NOS1: variants seen among roughly 807,000 people sequenced by gnomAD.
NOS1 encodes the protein nitric oxide synthase 1.
NOS1 carries 51 observed loss-of-function variants against 164.5 expected under a neutral mutation model. The ratio of observed to expected loss-of-function variants is 0.31; its 90% CI spans 0.25 to 0.39. The LOEUF (loss-of-function observed/expected upper bound fraction) is 0.39, where lower values mean the gene tolerates loss of function less well. Among genes scored for constraint, NOS1 ranks in the 10% least tolerant of loss-of-function variants. NOS1 has a pLI of 1.00. For missense variants in NOS1, 1,362 were observed against 1,885.6 expected (o/e 0.72, Z 5.14); for synonymous variants, 719 against 745.8 (o/e 0.96, Z 0.59).
rs553268766 is a variant in NOS1 at position 117,311,955 on chromosome 12, G to A, written c.726-363C>T. Among the ~76,000 whole-genome samples the A allele has an allele frequency of 2.0e-5, 3 of 152,216 alleles. No homozygotes were observed. In the East Asian group the frequency reaches 5.8e-4, roughly 29 times the overall value. On this transcript the variant is annotated intron_variant, in intron 2 of 28. Coordinates refer to ENST00000317775, the MANE Select transcript of NOS1 (RefSeq NM_000620.5). ...GGCCTGTTTCCTAGTAATACTCCAT[G>A]TACCATGAACCCCTGGACAACTTAC...
intron 21 of NOS1, among the ~76,000 whole-genome samples, chr12:117,232,997 A>C (rs1869382279): frequency 6.8e-6 from 1 of 146,948 alleles, no homozygotes; most frequent in Non-Finnish European, 1.5e-5. Flanking sequence ...GCTCCTGAGT[A>C]GCTGGGACTA....
chr12:117,348,510 T>C (rs1356160471), intron 1 of NOS1: 3 of 152,232 alleles, frequency 2.0e-5, no homozygotes, highest in Non-Finnish European at 4.4e-5. Context: ...CTTTGCACCA[T>C]ACCTGTGTCT....
Position 117,215,136 on chromosome 12 carries a change from A to C in NOS1, c.*173T>G. 2 of 1,312,776 alleles carry C rather than the reference A, an allele frequency of 1.5e-6. No individual in the cohort carries two copies. Among genetic ancestry groups the C allele is most frequent in the Admixed American group, 6.2e-5 (2 of 32,298 alleles). The allele number at this position is 1,312,776 out of a possible 1,614,324, so 81.3% of individuals were successfully genotyped here. A position where few individuals can be genotyped will look rare whatever the true frequency, so the allele number is the denominator to read the frequency against. On this transcript the variant is annotated 3_prime_UTR_variant, in exon 29 of 29. Transcript: ENST00000317775. ...TCGCAGCAGGAAAACTCAAGGAGTAAACCCAGGAGGGCCGAGGAAACCACT... is the reference window on the plus strand; with the variant it reads ...TCGCAGCAGGAAAACTCAAGGAGTACACCCAGGAGGGCCGAGGAAACCACT...
intron 7 of NOS1, among the ~76,000 whole-genome samples, chr12:117,282,967 A>C (rs1196004837): frequency 6.6e-6 from 1 of 151,344 alleles, no homozygotes; most frequent in Non-Finnish European, 1.5e-5. Context: ...CACAGTGTAA[A>C]CCTGCATCTC....
chr12:117,262,343 G>T (rs1202973864), intron 13 of NOS1, among the ~76,000 whole-genome samples: 2 of 148,418 alleles, frequency 1.3e-5, no homozygotes, highest in Admixed American at 1.3e-4. Flanking sequence ...AGATATTCTT[G>T]TTAGGGAAAT....
intron 16 of NOS1, chr12:117,255,913 G>C (rs372945962): frequency 6.9e-7 from 1 of 1,442,800 alleles, no homozygotes; most frequent in Admixed American, 2.8e-5. Flanking sequence ...ACACACCTGC[G>C]TGTACACACA....
chr12:117,302,369 C>A (rs1322475717), intron 3 of NOS1, among the ~76,000 whole-genome samples: 7 of 151,922 alleles, frequency 4.6e-5, no homozygotes, highest in Non-Finnish European at 7.4e-5. Flanking sequence ...CCGAGGCGGG[C>A]GGATCATGAG....
chr12:117,243,548 A>ACCATCCATCCATCCATCCAT lies in NOS1; in HGVS notation c.2824-133_2824-114dup, dbSNP rs34385734. ...ATTCACCCATCCATCCATCTATCCAACCATCCATCCATCCATCCATCCATC... is the reference window on the plus strand; with the variant it reads ...ATTCACCCATCCATCCATCTATCCAACCATCCATCCATCCATCCATCCATCCATCCATCCATCCATCCATC... On this transcript the variant is annotated intron_variant, in intron 18 of 28. Transcript: ENST00000317775. This position sits in a 1 kb window ranked among gnomAD's most constrained non-coding sequence, Gnocchi z 4.3. 44 of 587,954 alleles carry ACCATCCATCCATCCATCCAT rather than the reference A, an allele frequency of 7.5e-5. No individual in the cohort carries two copies. Among genetic ancestry groups the ACCATCCATCCATCCATCCAT allele is most frequent in the East Asian group, 6.3e-4 (20 of 31,658 alleles). 36.4% of individuals were successfully genotyped at this position (587,954 alleles called of 1,614,324 possible). A position where few individuals can be genotyped will look rare whatever the true frequency, so the allele number is the denominator to read the frequency against.
intron 13 of NOS1, among the ~76,000 whole-genome samples, chr12:117,260,996 C>T (rs1871856831): frequency 6.6e-6 from 1 of 151,522 alleles, no homozygotes; most frequent in Non-Finnish European, 1.5e-5. Context: ...GGTGAAACTC[C>T]GTCTCTACTA....
intron 10 of NOS1, among the ~76,000 whole-genome samples, chr12:117,268,364 G>C (rs1394412318): frequency 6.6e-6 from 1 of 151,966 alleles, no homozygotes; most frequent in Non-Finnish European, 1.5e-5. Flanking sequence ...CTGAGTAGCT[G>C]GGACTACAGG....
At chr12:117,220,050 C>T (rs71469791) in intron 27 of NOS1, 25 bp downstream of exon 27, 39 of 1,581,620 alleles carry the variant, frequency 2.5e-5, no homozygotes, top group Non-Finnish European at 3.2e-5. Context: ...GGAAAAGGGA[C>T]CTGGGAAGTC....
intron 1 of NOS1, among the ~76,000 whole-genome samples, chr12:117,344,909 C>T (rs1876271929): frequency 6.6e-6 from 1 of 152,174 alleles, no homozygotes; most frequent in Non-Finnish European, 1.5e-5. Context: ...TGAGGAGCTA[C>T]AGGCTCATAG....
rs779337315 is a variant in NOS1 at position 117,278,072 on chromosome 12, C to T, written c.1551G>A (p.Pro517=). 5.4e-5 allele frequency: 87 copies of T among 1,613,560 alleles called. 1 individual carries two copies. Among genetic ancestry groups the T allele is most frequent in the East Asian group, 2.9e-4 (13 of 44,876 alleles). ...TEICIQQGWK[P]PRGRFDVLPL... is the part of the protein sequence containing the mutation. ...GCAGGACATCGAAGCGGCCTCTAGG[C>T]GGTTTCCAGCCCTGCTGTATGCATA... Residue 517 remains proline (P), a synonymous_variant, in exon 9 of 29, where the codon CCG becomes CCA. Coordinates refer to ENST00000317775, the MANE Select transcript of NOS1 (RefSeq NM_000620.5).
chr12:117,285,475 AG>A, intron 6 of NOS1, 143 bp from the exon 7 acceptor site: 2 of 396,378 alleles, frequency 5.0e-6, no homozygotes, highest in South Asian at 1.3e-4. Flanking sequence ...ACTGAGTCCC[AG>A]GCTGCATTTT....
At chr12:117,236,823 AC>A (rs1205730342) in intron 20 of NOS1, among the ~76,000 whole-genome samples, 1 of 152,220 alleles carries the variant, frequency 6.6e-6, no homozygotes, top group African/African-American at 2.4e-5. Flanking sequence ...GCTCACGAGC[AC>A]AGCCACCTCC....
rs771093449 is a variant in NOS1, at chr12:117,285,326, C to T, written c.1297G>A (p.Asp433Asn). The change falls in exon 7 of 29, where the codon GAT becomes AAT. Residue 433 changes from aspartate to asparagine, a missense_variant. Coordinates refer to ENST00000317775, the MANE Select transcript of NOS1 (RefSeq NM_000620.5). The part of the protein sequence containing the change: ...RIQWSKLQVF[D>N]ARDCTTAHGM... Reference sequence around the variant, plus strand: ...TGGGCCGTGGTGCAGTCACGGGCATCGAATACCTGGAAGAGGCACAGGGCG... The same window carrying T: ...TGGGCCGTGGTGCAGTCACGGGCATTGAATACCTGGAAGAGGCACAGGGCG... 3 of 1,607,166 alleles carry T rather than the reference C, an allele frequency of 1.9e-6. No individual in the cohort carries two copies. The highest frequency in any genetic ancestry group is 1.3e-5 in the African/African-American group (1 of 74,634).
intron 3 of NOS1, among the ~76,000 whole-genome samples, chr12:117,292,361 G>A (rs1221826520): frequency 6.6e-6 from 1 of 152,090 alleles, no homozygotes. Flanking sequence ...AGTGTGGCTG[G>A]AGTGTATGCA....
At chr12:117,282,533 A>C (rs1408820987) in intron 7 of NOS1, among the ~76,000 whole-genome samples, 1 of 152,150 alleles carries the variant, frequency 6.6e-6, no homozygotes, top group African/African-American at 2.4e-5. Flanking sequence ...TGTCTCATCT[A>C]GTTTCATAGA....
Position 117,211,366 on chromosome 12 carries a change from C to G in NOS1, c.*3943G>C. On this transcript the variant is annotated 3_prime_UTR_variant, in exon 29 of 29. Transcript: ENST00000317775. ...CTTTATCACTACATCCGCCTCTTCC[C>G]TCACTCAAGCCTTGGTTGCAGCAAT... 1.0e-6 allele frequency: 1 copy of G among 985,510 alleles called. No homozygotes were observed. The allele number at this position is 985,510 out of a possible 1,614,324, so 61.0% of individuals were successfully genotyped here.
Sources: allele counts gnomAD v4.1 joint callset (sites outside exome capture counted in the v4.1 genomes callset), GRCh38; gene constraint gnomAD v4.1.1; non-coding constraint Gnocchi (gnomAD v3.1); transcripts MANE v1.5; gene names NCBI Gene and HGNC (gene_info 2026-07-23, HGNC 2026-07-21).